PCBP3: variants seen among roughly 807,000 people sequenced by gnomAD.
PCBP3 encodes poly(rC)-binding protein 3.
PCBP3 carries 25 observed loss-of-function variants against 52.7 expected under a neutral mutation model. The observed-to-expected ratio is 0.47, with a 90% CI of 0.35 to 0.66. The LOEUF is 0.66. Ranked by LOEUF, PCBP3 falls within the 30% of genes least tolerant of loss-of-function variation. The probability of loss-of-function intolerance (pLI) is 0.01; values close to 1 mark genes in which losing one functional copy is unlikely to be tolerated. For missense variants in PCBP3, 391 were observed against 490.3 expected (o/e 0.80, Z 1.91); for synonymous variants, 162 against 183.0 (o/e 0.89, Z 0.93).
At chr21:45,815,131 GA>G (rs2092857448) in intron 4 of PCBP3, among the ~76,000 whole-genome samples, 1 of 82,782 alleles carries the variant, frequency 1.2e-5, no homozygotes, top group Admixed American at 1.1e-4. Flanking sequence ...GGTGAGTGGT[GA>G]GTGAGTGGTG....
At chr21:45,721,431 A>G (rs945719427) in intron 2 of PCBP3, among the ~76,000 whole-genome samples, 1 of 134,450 alleles carries the variant, frequency 7.4e-6, no homozygotes, top group Admixed American at 7.5e-5. Flanking sequence ...AAAAAAAAAA[A>G]CAACTCTTGG....
At chr21:45,929,885 C>A in intron 13 of PCBP3, 32 bp from the exon 14 acceptor site, 5 of 1,542,670 alleles carry the variant, frequency 3.2e-6, no homozygotes, top group Non-Finnish European at 4.5e-6. Context: ...ATGACAATAA[C>A]CTTCTTAGCT....
intron 4 of PCBP3, among the ~76,000 whole-genome samples, chr21:45,759,456 G>A (rs1018457273): frequency 3.3e-5 from 5 of 151,986 alleles, no homozygotes; most frequent in Non-Finnish European, 5.9e-5. Context: ...CACCTCTGCC[G>A]CATTATTTTT....
intron 2 of PCBP3, among the ~76,000 whole-genome samples, chr21:45,722,733 G>C (rs998150150): frequency 6.6e-6 from 1 of 152,072 alleles, no homozygotes; most frequent in African/African-American, 2.4e-5. Context: ...CGGGCACAGT[G>C]GCTCACGTCT....
Position 45,741,224 on chromosome 21 carries a change from T to G in PCBP3, c.-162+5795T>G, listed in dbSNP as rs978671149. On this transcript the variant is annotated intron_variant, in intron 3 of 17. Transcript: ENST00000681687. This position sits in a 1 kb window ranked among gnomAD's most constrained non-coding sequence, Gnocchi z 4.5. Reference sequence around the variant, plus strand: ...GATGTCGGGATGAGTGGGTCTGCAGTGGTCGGCCCCATGGCTAGGAGTTTG... The same window carrying G: ...GATGTCGGGATGAGTGGGTCTGCAGGGGTCGGCCCCATGGCTAGGAGTTTG... 5.9e-5 allele frequency among the ~76,000 whole-genome samples: 9 copies of G among 152,144 alleles called. No homozygotes were observed. Among genetic ancestry groups the G allele is most frequent in the Middle Eastern group, 3.2e-3 (1 of 316 alleles).
chr21:45,777,994 T>C (rs2090375092), intron 4 of PCBP3, among the ~76,000 whole-genome samples: 1 of 150,346 alleles, frequency 6.7e-6, no homozygotes, highest in Non-Finnish European at 1.5e-5. Flanking sequence ...TGGTTTCTCA[T>C]GTTTCTTGTG....
intron 4 of PCBP3, among the ~76,000 whole-genome samples, chr21:45,844,207 C>T (rs1039261548): frequency 2.6e-5 from 4 of 151,890 alleles, no homozygotes; most frequent in East Asian, 1.9e-4. Context: ...CCCTTTGAGC[C>T]GGACGATTGA....
intron 2 of PCBP3, among the ~76,000 whole-genome samples, chr21:45,685,697 G>A (rs921153519): frequency 1.3e-5 from 2 of 152,172 alleles, no homozygotes; most frequent in Non-Finnish European, 2.9e-5. Context: ...CTGAGTTGGT[G>A]AAACATAAAA....
chr21:45,770,968 G>A (rs1197243813), intron 4 of PCBP3, among the ~76,000 whole-genome samples: 1 of 152,238 alleles, frequency 6.6e-6, no homozygotes, highest in Non-Finnish European at 1.5e-5. Context: ...CTTTCCAGTG[G>A]TTTGTTTTCC....
At chr21:45,865,374 A>G (rs1176485320) in intron 5 of PCBP3, among the ~76,000 whole-genome samples, 3 of 152,218 alleles carry the variant, frequency 2.0e-5, no homozygotes, top group Non-Finnish European at 2.9e-5. Flanking sequence ...ATCTCCAGGA[A>G]CAAAGCATGC....
At chr21:45,709,956 G>C (rs1346948033) in intron 2 of PCBP3, among the ~76,000 whole-genome samples, 1 of 152,144 alleles carries the variant, frequency 6.6e-6, no homozygotes, top group South Asian at 2.1e-4. Flanking sequence ...GATCTGCTGG[G>C]ATCTGGTGTT....
In PCBP3 at chr21:45,935,238, C is replaced by T. The variant is rs2076762391; in HGVS notation, c.857-15C>T. 6.2e-7 allele frequency: 1 copy of T among 1,604,554 alleles called. No individual in the cohort carries two copies. Among genetic ancestry groups the T allele is most frequent in the Non-Finnish European group, 8.5e-7 (1 of 1,172,836 alleles). ...GCCTTCCACCAGCCTAACCATGTCC[C>T]CTTGGTATACCCAGGTCTGGACGCC... On this transcript the variant is annotated splice_polypyrimidine_tract_variant and intron_variant, in intron 15 of 17. Coordinates refer to ENST00000681687, the MANE Select transcript of PCBP3 (RefSeq NM_001384156.1).
intron 5 of PCBP3, among the ~76,000 whole-genome samples, chr21:45,885,009 G>A (rs2095485375): frequency 6.6e-6 from 1 of 152,106 alleles, no homozygotes; most frequent in South Asian, 2.1e-4. Flanking sequence ...TGCCTACTAT[G>A]TTCTTTCTTC....
intron 2 of PCBP3, among the ~76,000 whole-genome samples, chr21:45,682,879 TA>T (rs2081934563): frequency 6.6e-6 from 1 of 152,140 alleles, no homozygotes; most frequent in African/African-American, 2.4e-5. Flanking sequence ...GCTGAAAAGA[TA>T]AACTGGAGAT....
intron 2 of PCBP3, among the ~76,000 whole-genome samples, chr21:45,713,107 C>T (rs895855667): frequency 2.0e-5 from 3 of 152,122 alleles, no homozygotes; most frequent in African/African-American, 2.4e-5. Flanking sequence ...TCTAGGACCA[C>T]GTGGGAATTT....
At chr21:45,905,736 C>G (rs1430693047) in intron 9 of PCBP3, among the ~76,000 whole-genome samples, 1 of 152,180 alleles carries the variant, frequency 6.6e-6, no homozygotes, top group Non-Finnish European at 1.5e-5. Context: ...TACAAGGACA[C>G]CAGTCAGATT....
chr21:45,683,743 G>A (rs2081988454), intron 2 of PCBP3, among the ~76,000 whole-genome samples: 2 of 151,922 alleles, frequency 1.3e-5, no homozygotes, highest in South Asian at 2.1e-4. Context: ...TGGCTAACAC[G>A]ATGAAACCCG....
chr21:45,807,859 A>G (rs376533543), intron 4 of PCBP3, among the ~76,000 whole-genome samples: 1 of 152,156 alleles, frequency 6.6e-6, no homozygotes. Context: ...AGATAGACCA[A>G]AGGAACAGAA....
intron 2 of PCBP3, among the ~76,000 whole-genome samples, chr21:45,675,138 A>C (rs935763269): frequency 6.6e-6 from 1 of 152,184 alleles, no homozygotes; most frequent in African/African-American, 2.4e-5. Context: ...TGTGCTTTGC[A>C]GGACTTACTG....
Sources: allele counts gnomAD v4.1 joint callset (sites outside exome capture counted in the v4.1 genomes callset), GRCh38; gene constraint gnomAD v4.1.1; non-coding constraint Gnocchi (gnomAD v3.1); transcripts MANE v1.5; gene names NCBI Gene and HGNC (gene_info 2026-07-23, HGNC 2026-07-21).